ASAP1: variants seen among roughly 807,000 people sequenced by gnomAD.
ASAP1 encodes the protein ArfGAP with SH3 domain, ankyrin repeat and PH domain 1.
ASAP1 carries 43 observed loss-of-function variants against 145.2 expected under a neutral mutation model. The ratio of observed to expected loss-of-function variants is 0.30; its 90% CI spans 0.23 to 0.38. The LOEUF is 0.38. Among genes scored for constraint, ASAP1 ranks in the 10% least tolerant of loss-of-function variants. The pLI, the probability that ASAP1 is intolerant of heterozygous loss-of-function variation, is 1.00. For synonymous variants in ASAP1, 546 were observed against 515.5 expected (o/e 1.06, Z -0.80); for missense variants, 1,018 against 1,355.3 (o/e 0.75, Z 3.91).
intron 4 of ASAP1, among the ~76,000 whole-genome samples, chr8:130,218,697 A>C (rs967039408): frequency 3.9e-5 from 6 of 152,060 alleles, no homozygotes; most frequent in Non-Finnish European, 7.4e-5. Context: ...TTTCACCCCC[A>C]CTAGTTCTGC....
At chr8:130,424,565 G>A (rs937504465) in intron 1 of ASAP1, among the ~76,000 whole-genome samples, 1 of 152,118 alleles carries the variant, frequency 6.6e-6, no homozygotes, top group Admixed American at 6.6e-5. Flanking sequence ...GCTGGGATTG[G>A]AAGAGATACT....
chr8:130,390,462 A>G (rs1025284065), intron 2 of ASAP1, among the ~76,000 whole-genome samples: 45 of 152,244 alleles, frequency 3.0e-4, no homozygotes, highest in African/African-American at 1.0e-3. Flanking sequence ...CGGAATCTTC[A>G]ACTGTATTTA....
intron 1 of ASAP1, among the ~76,000 whole-genome samples, chr8:130,418,082 G>A (rs1484392382): frequency 6.6e-6 from 1 of 152,240 alleles, no homozygotes; most frequent in Non-Finnish European, 1.5e-5. Context: ...AAGGACAGAA[G>A]AGAGAGGAGA....
At chr8:130,187,665 C>T (rs923976028) in intron 6 of ASAP1, among the ~76,000 whole-genome samples, 1 of 152,234 alleles carries the variant, frequency 6.6e-6, no homozygotes, top group South Asian at 2.1e-4. Context: ...GCAATTTACC[C>T]GCCGCCATGG....
intron 1 of ASAP1, among the ~76,000 whole-genome samples, chr8:130,413,313 T>A (rs1829341996): frequency 6.6e-6 from 1 of 152,232 alleles, no homozygotes; most frequent in Non-Finnish European, 1.5e-5. Context: ...AGCTCATTCC[T>A]AACACTTAGG....
chr8:130,120,098 T>C (rs908169042), intron 18 of ASAP1, among the ~76,000 whole-genome samples: 27 of 152,210 alleles, frequency 1.8e-4, no homozygotes, highest in African/African-American at 6.3e-4. Flanking sequence ...TTCTCAACCC[T>C]GTGCAGTTGA....
Position 130,236,787 on chromosome 8 carries a change from A to AG in ASAP1, c.259+134dup, listed in dbSNP as rs1491356040. ...CTGACAGTCGAGATAAGAGAAAAAA[A>AG]GAGAAATTTCTTTTACCTACTTACT... On this transcript the variant is annotated intron_variant, in intron 4 of 29. Coordinates refer to ENST00000518721, the MANE Select transcript of ASAP1 (RefSeq NM_018482.4). The AG allele has an allele frequency of 3.1e-5, 19 of 603,450 alleles. No homozygotes were observed. In the South Asian group the frequency reaches 5.4e-4, roughly 17 times the overall value. The allele number at this position is 603,450 out of a possible 1,614,324, so 37.4% of individuals were successfully genotyped here. A position where few individuals can be genotyped will look rare whatever the true frequency, so the allele number is the denominator to read the frequency against.
At chr8:130,344,261 C>T (rs187376068) in intron 3 of ASAP1, among the ~76,000 whole-genome samples, 2 of 151,950 alleles carry the variant, frequency 1.3e-5, no homozygotes, top group Admixed American at 1.3e-4. Context: ...CATACAGATC[C>T]GTTTAAATAA....
chr8:130,167,642 T>G lies in ASAP1; in HGVS notation c.823-20A>C, dbSNP rs991767602. The G allele has an allele frequency of 7.7e-6, 12 of 1,550,556 alleles. No homozygotes were observed. In the Middle Eastern group the frequency reaches 1.2e-3, roughly 156 times the overall value. On this transcript the variant is annotated intron_variant, in intron 10 of 29. Transcript: ENST00000518721. ...TTTTATCTATGAAAAAAAAATTACTTCTATTACTTACCATTTACACTTTCA... is the reference window on the plus strand; with the variant it reads ...TTTTATCTATGAAAAAAAAATTACTGCTATTACTTACCATTTACACTTTCA...
At chr8:130,148,649 A>G (rs1042231586) in intron 13 of ASAP1, among the ~76,000 whole-genome samples, 1 of 152,204 alleles carries the variant, frequency 6.6e-6, no homozygotes, top group Non-Finnish European at 1.5e-5. Context: ...TATACTTTTG[A>G]AATTGATTTC....
chr8:130,127,021 A>C (rs934679192), intron 16 of ASAP1, among the ~76,000 whole-genome samples: 1 of 152,218 alleles, frequency 6.6e-6, no homozygotes, highest in South Asian at 2.1e-4. Context: ...GAGATAAGCA[A>C]AACACCTAGC....
At chr8:130,095,390 T>G (rs753071832) in intron 24 of ASAP1, among the ~76,000 whole-genome samples, 51 of 138,296 alleles carry the variant, frequency 3.7e-4, no homozygotes, top group Non-Finnish European at 7.0e-4. Flanking sequence ...GACCTCCCCC[T>G]CCTGGGTTCA....
chr8:130,170,521 C>A (rs953951302), intron 9 of ASAP1, among the ~76,000 whole-genome samples: 1 of 152,118 alleles, frequency 6.6e-6, no homozygotes, highest in African/African-American at 2.4e-5. Context: ...GGCAATAACA[C>A]AGGCTATTAG....
rs747672872 is a variant in ASAP1, at chr8:130,124,045, G to A, written c.1575C>T (p.Ser525=). 3.7e-6 allele frequency: 6 copies of A among 1,608,372 alleles called. No homozygotes were observed. In the Admixed American group the frequency reaches 6.8e-5, roughly 18 times the overall value. ...FNDIMEANLP[S]PSPKPTPSSD... ...TTGAAGGGGTGGGTTTTGGTGAGGG[G>A]CTGGGTAAATTTGCTTCCATAATAT... The change falls in exon 18 of 30, where the codon AGC becomes AGT. Residue 525 remains serine, a synonymous_variant. Transcript: ENST00000518721.
chr8:130,114,694 T>C (rs901839047), intron 23 of ASAP1, among the ~76,000 whole-genome samples: 3 of 152,186 alleles, frequency 2.0e-5, no homozygotes, highest in African/African-American at 4.8e-5. Context: ...GACTGAAATG[T>C]TATTATACAG....
At chr8:130,235,902 T>A (rs1436970633) in intron 4 of ASAP1, among the ~76,000 whole-genome samples, 1 of 152,164 alleles carries the variant, frequency 6.6e-6, no homozygotes, top group Non-Finnish European at 1.5e-5. Context: ...AAGAGGAACA[T>A]GCATTTACTG....
At chr8:130,214,110 C>T (rs1018181771) in intron 5 of ASAP1, among the ~76,000 whole-genome samples, 2 of 152,196 alleles carry the variant, frequency 1.3e-5, no homozygotes, top group African/African-American at 2.4e-5. Context: ...AACCAAAATG[C>T]ATGATCACCT....
chr8:130,071,934 G>T (rs2097447483), intron 27 of ASAP1, among the ~76,000 whole-genome samples: 3 of 152,178 alleles, frequency 2.0e-5, no homozygotes, highest in African/African-American at 7.2e-5. Flanking sequence ...CACAGTTGCT[G>T]GCTTATAACC....
intron 26 of ASAP1, among the ~76,000 whole-genome samples, chr8:130,078,240 T>C (rs1322763231): frequency 1.3e-5 from 2 of 152,178 alleles, no homozygotes; most frequent in Admixed American, 1.3e-4. Context: ...TCCACCTGCC[T>C]TGGCCTCCCA....
Sources: allele counts gnomAD v4.1 joint callset (sites outside exome capture counted in the v4.1 genomes callset), GRCh38; gene constraint gnomAD v4.1.1; transcripts MANE v1.5; gene names NCBI Gene and HGNC (gene_info 2026-07-23, HGNC 2026-07-21).